CACNA1C: variants seen among roughly 807,000 people sequenced by gnomAD.
The protein encoded by CACNA1C is calcium voltage-gated channel subunit alpha1 C, also known as voltage-dependent L-type calcium channel subunit alpha-1C.
A neutral mutation model predicts 229.0 loss-of-function variants in CACNA1C; 30 were observed. The ratio of observed to expected loss-of-function variants is 0.13; its 90% CI spans 0.10 to 0.18. CACNA1C has a LOEUF of 0.18. Among genes scored for constraint, CACNA1C ranks in the 10% least tolerant of loss-of-function variants. CACNA1C has a pLI of 1.00. For synonymous variants in CACNA1C, 1,114 were observed against 1,132.5 expected (o/e 0.98, Z 0.33); for missense variants, 1,658 against 2,845.0 (o/e 0.58, Z 9.49).
At chr12:2,162,492 A>G (rs1014954587) in intron 3 of CACNA1C, among the ~76,000 whole-genome samples, 1 of 152,080 alleles carries the variant, frequency 6.6e-6, no homozygotes, top group African/African-American at 2.4e-5. Flanking sequence ...AAAACAAAAA[A>G]TAAATAAAAG....
chr12:2,056,469 A>G (rs2154512915), intron 1 of CACNA1C, among the ~76,000 whole-genome samples: 1 of 152,336 alleles, frequency 6.6e-6, no homozygotes, highest in African/African-American at 2.4e-5. Context: ...CATTGAACAA[A>G]TAAAACACCA....
At chr12:2,668,241 G>A (rs116697238) in intron 37 of CACNA1C, among the ~76,000 whole-genome samples, 318 of 152,306 alleles carry the variant, frequency 2.1e-3, no homozygotes, top group African/African-American at 7.3e-3. Context: ...GCAGACTTTC[G>A]AGCAGGGCGC....
At chr12:2,074,907 G>C (rs953728692) in intron 1 of CACNA1C, among the ~76,000 whole-genome samples, 9 of 152,192 alleles carry the variant, frequency 5.9e-5, no homozygotes, top group African/African-American at 1.9e-4. Context: ...TCTGGAGCCT[G>C]CTGGCTTTGG....
At chr12:2,499,231 T>A (rs148416718) in intron 7 of CACNA1C, among the ~76,000 whole-genome samples, 1 of 152,188 alleles carries the variant, frequency 6.6e-6, no homozygotes, top group African/African-American at 2.4e-5. Context: ...CTGAGCTGAC[T>A]GGTGTTCACT....
At chr12:2,248,723 G>T (rs754530871) in intron 3 of CACNA1C, among the ~76,000 whole-genome samples, 2 of 152,282 alleles carry the variant, frequency 1.3e-5, no homozygotes, top group Non-Finnish European at 2.9e-5. Flanking sequence ...CCGAAAGACA[G>T]GAGCGGATGT....
At chr12:2,318,125 CAG>C (rs34191081) in intron 3 of CACNA1C, among the ~76,000 whole-genome samples, 5,012 of 152,270 alleles carry the variant, frequency 0.033, 185 homozygotes, top group African/African-American at 0.087. Context: ...TTGGAATAGA[CAG>C]AGTTTTTCTC....
intron 1 of CACNA1C, among the ~76,000 whole-genome samples, chr12:1,980,967 TTAAA>T (rs1336311046): frequency 6.6e-6 from 1 of 152,086 alleles, no homozygotes; most frequent in East Asian, 1.9e-4. Context: ...TTTTTAGAAT[TTAAA>T]TAAAGTTCTA....
At chr12:2,644,390 G>T (rs1031720206) in intron 30 of CACNA1C, among the ~76,000 whole-genome samples, 2 of 152,082 alleles carry the variant, frequency 1.3e-5, no homozygotes, top group African/African-American at 4.8e-5. Flanking sequence ...AGGACAACTG[G>T]GTTGGGTATT....
chr12:2,081,327 C>T (rs1386325618), intron 1 of CACNA1C, among the ~76,000 whole-genome samples: 2 of 146,978 alleles, frequency 1.4e-5, no homozygotes, highest in African/African-American at 5.1e-5. Context: ...TCCCAACACT[C>T]TGGGAGGCTG....
chr12:2,557,533 G>A (rs553027747), intron 11 of CACNA1C, among the ~76,000 whole-genome samples: 1 of 152,288 alleles, frequency 6.6e-6, no homozygotes, highest in East Asian at 1.9e-4. Flanking sequence ...TTATCCAAAT[G>A]TTCCCTGTCC....
intron 3 of CACNA1C, among the ~76,000 whole-genome samples, chr12:2,396,311 A>G (rs1271562957): frequency 6.6e-6 from 1 of 152,196 alleles, no homozygotes; most frequent in Non-Finnish European, 1.5e-5. Flanking sequence ...ATATTTTTGC[A>G]GCCTGATTGT....
At chr12:2,174,261 G>A (rs1470663634) in intron 3 of CACNA1C, among the ~76,000 whole-genome samples, 3 of 152,096 alleles carry the variant, frequency 2.0e-5, no homozygotes, top group Admixed American at 6.5e-5. Flanking sequence ...AGGCAGAGGT[G>A]CTTTCTCTAG....
intron 3 of CACNA1C, among the ~76,000 whole-genome samples, chr12:2,341,815 A>G (rs1179492303): frequency 6.6e-6 from 1 of 152,156 alleles, no homozygotes; most frequent in Non-Finnish European, 1.5e-5. Context: ...AGTGATTTCA[A>G]TGGGTCAGCC....
chr12:1,973,445 G>A (rs961238917), intron 1 of CACNA1C, among the ~76,000 whole-genome samples: 5 of 151,984 alleles, frequency 3.3e-5, no homozygotes, highest in Admixed American at 3.3e-4. Flanking sequence ...ATACTAATTT[G>A]GATTAAATTA....
intron 3 of CACNA1C, among the ~76,000 whole-genome samples, chr12:2,374,700 A>G (rs1315078223): frequency 2.6e-5 from 4 of 152,220 alleles, no homozygotes; most frequent in Non-Finnish European, 5.9e-5. Context: ...CACTCAGCAG[A>G]CAAAGAATAC....
At chr12:2,252,570 C>G (rs747228092) in intron 3 of CACNA1C, among the ~76,000 whole-genome samples, 7 of 152,194 alleles carry the variant, frequency 4.6e-5, no homozygotes, top group Non-Finnish European at 7.3e-5. Flanking sequence ...CACTGTCTAT[C>G]AAGAAGCAGG....
At chr12:1,983,692 T>C (rs1053459800) in intron 1 of CACNA1C, among the ~76,000 whole-genome samples, 2 of 152,118 alleles carry the variant, frequency 1.3e-5, no homozygotes, top group African/African-American at 4.8e-5. Flanking sequence ...AGAACGTCCA[T>C]TCTGCTGTCA....
rs554086967 is a variant in CACNA1C at position 2,584,622 on chromosome 12, C to A, written c.2339+5C>A. On this transcript the variant is annotated splice_donor_5th_base_variant and intron_variant, in intron 16 of 46. Coordinates refer to ENST00000399655, the MANE Select transcript of CACNA1C (RefSeq NM_000719.7). The stretch of plus-strand genomic sequence containing the variant: ...GGAGAGAAAGAAGCTGGCCAGGTAA[C>A]CCTCTAAGCTTGCCCAGGCCTGGGG... The A allele has an allele frequency of 1.3e-6, 2 of 1,596,058 alleles. No homozygotes were observed. Among genetic ancestry groups the A allele is most frequent in the African/African-American group, 1.3e-5 (1 of 74,644 alleles).
At chr12:2,594,231 G>C (rs1185743353) in intron 19 of CACNA1C, among the ~76,000 whole-genome samples, 1 of 152,178 alleles carries the variant, frequency 6.6e-6, no homozygotes, top group Non-Finnish European at 1.5e-5. Flanking sequence ...TATGTATTTA[G>C]ATTTTTATTC....
Sources: allele counts gnomAD v4.1 joint callset (sites outside exome capture counted in the v4.1 genomes callset), GRCh38; gene constraint gnomAD v4.1.1; transcripts MANE v1.5; gene names NCBI Gene and HGNC (gene_info 2026-07-23, HGNC 2026-07-21).